The following DMBT1 variants were observed in gnomAD, a reference collection of about 807,000 sequenced individuals.
The protein encoded by DMBT1 is scavenger receptor cysteine-rich domain-containing protein DMBT1.
Under a neutral mutation model 252.9 loss-of-function variants are expected in DMBT1, and 198 were observed. That is an observed-to-expected ratio of 0.78 (90% CI 0.70 to 0.88). DMBT1 has a LOEUF of 0.88. Ranked by LOEUF, DMBT1 falls within the 40% of genes least tolerant of loss-of-function variation. DMBT1 has a pLI of 0.00. For synonymous variants in DMBT1, 990 were observed against 942.7 expected (o/e 1.05, Z -0.92); for missense variants, 2,432 against 2,404.7 (o/e 1.01, Z -0.24).
At chr10:122,593,732 G>C in intron 21 of DMBT1, 134 bp downstream of exon 21, 1 of 1,293,838 alleles carries the variant, frequency 7.7e-7, no homozygotes, top group Non-Finnish European at 1.1e-6. Flanking sequence ...AACACCGGCT[G>C]TGTAACTGAG....
rs1445780697 is a variant in DMBT1 at position 122,585,271 on chromosome 10, A to G, written c.1421A>G (p.Asp474Gly). Residue 474 changes from aspartate to glycine, a missense_variant and splice_region_variant, in exon 15 of 56, where the codon GAC becomes GGC. Asp to Gly is a moderately conservative substitution (Grantham distance 94). Transcript: ENST00000338354. ...AAHSWSTPSP[D>G]TLPTITLPAS... is the part of the protein sequence containing the mutation. Reference sequence around the variant, plus strand: ...GCCTTTGTCTCTGTTGCAATTACAGACACGTTGCCGACCATCACCTTACCT... The same window carrying G: ...GCCTTTGTCTCTGTTGCAATTACAGGCACGTTGCCGACCATCACCTTACCT... 2 of 1,586,766 alleles carry G rather than the reference A, an allele frequency of 1.3e-6. No homozygotes were observed. The highest frequency in any genetic ancestry group is 2.3e-5 in the East Asian group (1 of 42,678).
In DMBT1 at chr10:122,591,442, C is replaced by A; in HGVS notation, c.2138-37C>A. On this transcript the variant is annotated intron_variant, in intron 18 of 55. Transcript: ENST00000338354. ...TCCTTTTGGAGCTTTTCTCCCTCAA[C>A]TTTAATTCTAGCCTTTGTCTTTGTT... 5.7e-6 allele frequency: 9 copies of A among 1,574,988 alleles called. 1 individual carries two copies. Among genetic ancestry groups the A allele is most frequent in the Non-Finnish European group, 7.8e-6 (9 of 1,153,942 alleles).
At position 122,579,802 on chromosome 10, in the gene DMBT1, C is replaced by T. The variant is rs200945145; in HGVS notation, c.904C>T (p.Arg302Cys). ...AGGACCCATTGTCCTGGATGATGTG[C>T]GCTGCTCAGGACATGAGTCCTACCT... ...GSGPIVLDDV[R>C]CSGHESYLWS... is the part of the protein sequence containing the mutation. The change falls in exon 10 of 56, where the codon CGC becomes TGC. Residue 302 changes from arginine to cysteine, a missense_variant. This residue lies in a region of DMBT1 where 1,264 missense variants were observed against 1,082.2 expected (regional missense o/e 1.17). Coordinates refer to ENST00000338354, the MANE Select transcript of DMBT1 (RefSeq NM_001377530.1). 1.6e-4 allele frequency: 261 copies of T among 1,607,266 alleles called. No individual in the cohort carries two copies. Among genetic ancestry groups the T allele is most frequent in the African/African-American group, 1.2e-3 (92 of 74,856 alleles).
chr10:122,572,440 G>T (rs535467537), intron 5 of DMBT1, 79 bp downstream of exon 5: 30 of 1,578,044 alleles, frequency 1.9e-5, no homozygotes, highest in Non-Finnish European at 2.4e-5. Context: ...CAGATGAGGT[G>T]TAGAGGACAT....
intron 17 of DMBT1, 115 bp downstream of exon 17, chr10:122,589,382 T>C: frequency 6.8e-7 from 1 of 1,467,234 alleles, no homozygotes; most frequent in Non-Finnish European, 9.2e-7. Flanking sequence ...ATGTTTCTGA[T>C]ATCTCCTTAG....
At position 122,643,557 on chromosome 10, in the gene DMBT1, A is replaced by C; in HGVS notation, c.*159A>C. On this transcript the variant is annotated 3_prime_UTR_variant, in exon 56 of 56. Coordinates refer to ENST00000338354, the MANE Select transcript of DMBT1 (RefSeq NM_001377530.1). ...ATCAGACCTGGTTCCCGCCTCCCCC[A>C]AGGCTCATGGTCCTTGGAGGACCCG... The C allele has an allele frequency of 8.4e-6, 9 of 1,076,924 alleles. No individual in the cohort carries two copies. The highest frequency in any genetic ancestry group is 1.2e-5 in the Non-Finnish European group (9 of 767,956). The allele number at this position is 1,076,924 out of a possible 1,614,324, so 66.7% of individuals were successfully genotyped here.
At chr10:122,568,694 A>T (rs1024671328) in intron 2 of DMBT1, among the ~76,000 whole-genome samples, 15 of 152,172 alleles carry the variant, frequency 9.9e-5, no homozygotes, top group Non-Finnish European at 2.9e-5. Context: ...GACAGCTGGG[A>T]CGCCCAGGAT....
At chr10:122,591,639 A>T in intron 19 of DMBT1, 122 bp downstream of exon 19, 2 of 1,123,128 alleles carry the variant, frequency 1.8e-6, no homozygotes, top group Non-Finnish European at 1.3e-6. Flanking sequence ...CTGTGCGCTG[A>T]GTGGGAGGAA....
At chr10:122,578,575 C>A in intron 8 of DMBT1, 143 bp from the exon 9 acceptor site, 1 of 709,030 alleles carries the variant, frequency 1.4e-6, no homozygotes, top group South Asian at 1.7e-5. Context: ...GGCAGGAGAC[C>A]TGGGCAGACA....
intron 46 of DMBT1, 135 bp from the exon 47 acceptor site, chr10:122,629,705 A>G (rs2098143967): frequency 3.8e-6 from 4 of 1,049,726 alleles, no homozygotes; most frequent in African/African-American, 1.6e-5. Flanking sequence ...AAGAGAGGGG[A>G]CTTGTTTACA....
At chr10:122,592,211 C>A (rs966907046) in intron 19 of DMBT1, 61 bp from the exon 20 acceptor site, 2 of 1,567,140 alleles carry the variant, frequency 1.3e-6, no homozygotes, top group East Asian at 4.7e-5. Flanking sequence ...GAGTGTGGAA[C>A]GTGCCTTAGA....
At position 122,592,475 on chromosome 10, in the gene DMBT1, C is replaced by A. The variant is rs1312045482; in HGVS notation, c.2380C>A (p.Pro794Thr). The change falls in exon 20 of 56, where the codon CCC becomes ACC. Residue 794 changes from proline to threonine, a missense_variant. Physicochemically the swap from Pro to Thr is conservative, Grantham distance 38. Coordinates refer to ENST00000338354, the MANE Select transcript of DMBT1 (RefSeq NM_001377530.1). ...TGCCCGGTTTGGCCAGGGCTCAGGA[C>A]CCATTGTTCTGGATGATGTGCGCTG... Reference protein sequence around the residue: ...GNARFGQGSGPIVLDDVRCSG... With the variant: ...GNARFGQGSGTIVLDDVRCSG... The A allele has an allele frequency of 2.5e-6, 4 of 1,588,038 alleles. 1 individual carries two copies. In the South Asian group the frequency reaches 3.5e-5, roughly 14 times the overall value.
intron 54 of DMBT1, among the ~76,000 whole-genome samples, chr10:122,638,919 C>G (rs1215735800): frequency 6.6e-6 from 1 of 152,224 alleles, no homozygotes; most frequent in African/African-American, 2.4e-5. Flanking sequence ...TGCTATATAA[C>G]TTTTAAAATT....
intron 52 of DMBT1, among the ~76,000 whole-genome samples, chr10:122,634,426 TCTCTTCTCTCTC>T (rs1395449875): frequency 8.0e-5 from 6 of 74,816 alleles, no homozygotes; most frequent in Non-Finnish European, 1.4e-4. Context: ...TCTCTCTCTC[TCTCTTCTCTCTC>T]TCTCTCTCTC....
chr10:122,626,824 T>C (rs929094461), intron 46 of DMBT1, among the ~76,000 whole-genome samples: 2 of 152,138 alleles, frequency 1.3e-5, no homozygotes, highest in African/African-American at 2.4e-5. Flanking sequence ...TCTTCCTTGA[T>C]TGGGGAGTTA....
chr10:122,617,293 A>G (rs1472707833), intron 40 of DMBT1, 33 bp downstream of exon 40: 1 of 1,603,028 alleles, frequency 6.2e-7, no homozygotes, highest in Admixed American at 1.7e-5. Flanking sequence ...CCTAGGGCTC[A>G]CTATCTCTGG....
At chr10:122,636,663 G>A (rs2098229738) in intron 53 of DMBT1, among the ~76,000 whole-genome samples, 1 of 152,226 alleles carries the variant, frequency 6.6e-6, no homozygotes, top group Non-Finnish European at 1.5e-5. Context: ...GAGCCTGTAT[G>A]GCCATGATTT....
chr10:122,561,154 G>T (rs1243650661), intron 1 of DMBT1, among the ~76,000 whole-genome samples: 1 of 152,154 alleles, frequency 6.6e-6, no homozygotes. Flanking sequence ...TTATTAAGAG[G>T]CCCTTAAACT....
At chr10:122,580,783 G>A (rs1014538829) in intron 10 of DMBT1, 83 bp from the exon 11 acceptor site, 35 of 1,536,058 alleles carry the variant, frequency 2.3e-5, no homozygotes, top group South Asian at 1.6e-4. Flanking sequence ...TGTCAGACTC[G>A]CTCATTTCTT....
Sources: gnomAD v4.1 joint callset for allele counts (sites outside exome capture counted in the v4.1 genomes callset) on GRCh38, gnomAD v4.1.1 for gene constraint, gnomAD v4.1.1 regional missense constraint, MANE v1.5 for transcripts, NCBI Gene and HGNC (gene_info 2026-07-23, HGNC 2026-07-21) for gene names.